The following GRK1 variants were observed in gnomAD, a reference collection of about 807,000 sequenced individuals.
GRK1 encodes the protein rhodopsin kinase GRK1.
GRK1 carries 28 observed loss-of-function variants against 41.7 expected under a neutral mutation model. The ratio of observed to expected loss-of-function variants is 0.67; its 90% CI spans 0.50 to 0.92. The LOEUF is 0.92. Among genes scored for constraint, GRK1 ranks in the 40% least tolerant of loss-of-function variants. The pLI is 0.00. For synonymous variants in GRK1, 327 were observed against 286.7 expected (o/e 1.14, Z -1.42); for missense variants, 703 against 671.2 (o/e 1.05, Z -0.52).
upstream of GRK1, among the ~76,000 whole-genome samples, chr13:113,662,705 C>T (rs1318215306): frequency 6.6e-6 from 1 of 152,170 alleles, no homozygotes; most frequent in Non-Finnish European, 1.5e-5. Context: ...TATGATTGCT[C>T]AACACCAAGA....
At chr13:113,650,654 A>T in the GRK1 span, 2 of 597,212 alleles carry the variant, frequency 3.3e-6, no homozygotes, top group Non-Finnish European at 2.9e-6. This position sits in a 1 kb window ranked among gnomAD's most constrained non-coding sequence, Gnocchi z 5.0. Context: ...AATCAGATGC[A>T]ATCTTTCTAA....
At chr13:113,723,772 CTG>C (rs1299154378) in intron 4 of GRK1, among the ~76,000 whole-genome samples, 3 of 151,766 alleles carry the variant, frequency 2.0e-5, no homozygotes, top group Admixed American at 1.3e-4. Context: ...GCCTGTGTCT[CTG>C]TGCACACACG....
At chr13:113,733,898 T>TATGTGTGCATACAGTGTGCGTGTGTGC (rs1377540728) in intron 6 of GRK1, among the ~76,000 whole-genome samples, 1 of 65,574 alleles carries the variant, frequency 1.5e-5, no homozygotes, top group African/African-American at 9.7e-5. Flanking sequence ...TGCGTGTGTG[T>TATGTGTGCATACAGTGTGCGTGTGTGC]ATGTGTGCAT....
chr13:113,667,473 C>A lies in GRK1; in HGVS notation c.87C>A (p.Pro29=), dbSNP rs1005125249. 6.2e-6 allele frequency: 10 copies of A among 1,610,786 alleles called. No homozygotes were observed. The African/African-American group carries it at 1.2e-4, about 19-fold the overall frequency. The change falls in exon 1 of 7, where the codon CCC becomes CCA. Residue 29 remains proline (P), a synonymous_variant. Transcript: ENST00000335678. This position sits in a 1 kb window ranked among gnomAD's most constrained non-coding sequence, Gnocchi z 7.5. ...RGSFDGSSSQ[P]SRDKKYLAKL... ...GCTTTGACGGCAGCAGCTCCCAACC[C>A]TCCCGGGACAAGAAGTACCTGGCCA...
the GRK1 span, among the ~76,000 whole-genome samples, chr13:113,656,946 G>A: frequency 3.9e-5 from 6 of 152,038 alleles, no homozygotes; most frequent in Non-Finnish European, 8.8e-5. Flanking sequence ...CTGCCGCCCC[G>A]CCTGGCCCAG....
At chr13:113,665,018 A>G (rs527985886), upstream of GRK1, among the ~76,000 whole-genome samples, 2 of 152,264 alleles carry the variant, frequency 1.3e-5, no homozygotes, top group South Asian at 4.1e-4. Context: ...GACCGTGGGG[A>G]CGTCGGCTCG....
intron 4 of GRK1, among the ~76,000 whole-genome samples, chr13:113,729,351 A>G (rs1353286379): frequency 6.6e-6 from 1 of 152,234 alleles, no homozygotes; most frequent in Non-Finnish European, 1.5e-5. Context: ...TTTTGAATTT[A>G]GTAAAGTGTT....
the GRK1 span, chr13:113,658,067 C>G: frequency 1.3e-5 from 21 of 1,610,060 alleles, no homozygotes; most frequent in Admixed American, 1.5e-4. Flanking sequence ...GCATCTGCCC[C>G]GTGTCCGGGT....
intron 6 of GRK1, among the ~76,000 whole-genome samples, chr13:113,733,841 GTGCA>G (rs2049970387): frequency 7.4e-6 from 1 of 135,066 alleles, no homozygotes; most frequent in African/African-American, 3.3e-5. Context: ...GCACGTGCGT[GTGCA>G]TGTGTATGTG....
chr13:113,731,211 G>C lies in GRK1; in HGVS notation c.1070-8G>C, dbSNP rs2049934448. On this transcript the variant is annotated splice_polypyrimidine_tract_variant and splice_region_variant and intron_variant, in intron 4 of 6. Coordinates refer to ENST00000335678, the MANE Select transcript of GRK1 (RefSeq NM_002929.3). This position sits in a 1 kb window ranked among gnomAD's most constrained non-coding sequence, Gnocchi z 5.6. ...CACCTCTGAACCCGCAATGTCCCTTGCTGGCAGGTTTCATGGCCCCCGAGC... is the reference window on the plus strand; with the variant it reads ...CACCTCTGAACCCGCAATGTCCCTTCCTGGCAGGTTTCATGGCCCCCGAGC... 6.5e-7 allele frequency: 1 copy of C among 1,536,718 alleles called. No homozygotes were observed. The highest frequency in any genetic ancestry group is 2.0e-5 in the Admixed American group (1 of 50,968).
chr13:113,649,450 G>GC, the GRK1 span: 1 of 1,572,526 alleles, frequency 6.4e-7, no homozygotes, highest in South Asian at 1.2e-5. The surrounding 1 kb of genome is among the most constrained non-coding windows in gnomAD (Gnocchi z 4.7). Context: ...CACGTGCTCC[G>GC]CCATGACCTT....
chr13:113,652,172 G>A, the GRK1 span, among the ~76,000 whole-genome samples: 1 of 152,148 alleles, frequency 6.6e-6, no homozygotes, highest in Non-Finnish European at 1.5e-5. Context: ...TCCAGCCCCA[G>A]CCATCCCCTG....
chr13:113,670,623 A>T (rs2049849946), intron 2 of GRK1, among the ~76,000 whole-genome samples: 4 of 151,984 alleles, frequency 2.6e-5, no homozygotes, highest in Admixed American at 2.6e-4. Flanking sequence ...AGTCCAGACT[A>T]AGTCACCACG....
intron 6 of GRK1, among the ~76,000 whole-genome samples, chr13:113,733,870 C>CGTGT (rs756081118): frequency 2.2e-5 from 2 of 89,934 alleles, no homozygotes; most frequent in African/African-American, 1.2e-4. Flanking sequence ...TACGTGTGTG[C>CGTGT]GTGTGTGCAT....
Position 113,731,247 on chromosome 13 carries a change from C to A in GRK1, c.1098C>A (p.Gly366=). ...PGFMAPELLQ[G]EEYDFSVDYF... is the part of the protein sequence containing the mutation. ...TCATGGCCCCCGAGCTCCTGCAGGG[C>A]GAGGAGTACGACTTCTCCGTGGACT... Residue 366 remains glycine (G), a synonymous_variant, in exon 5 of 7, where the codon GGC becomes GGA. Transcript: ENST00000335678. The surrounding 1 kb of genome is among the most constrained non-coding windows in gnomAD (Gnocchi z 5.6). 5.2e-6 allele frequency: 8 copies of A among 1,537,058 alleles called. No homozygotes were observed. Among genetic ancestry groups the A allele is most frequent in the Non-Finnish European group, 7.0e-6 (8 of 1,146,816 alleles).
chr13:113,733,980 ATG>A (rs200077938), intron 6 of GRK1, among the ~76,000 whole-genome samples: 1,619 of 95,320 alleles, frequency 0.017, 28 homozygotes, highest in Non-Finnish European at 0.024. Flanking sequence ...GTGTGTGCGC[ATG>A]TGTGTGCATA....
chr13:113,732,429 G>A (rs1451171238), intron 5 of GRK1, among the ~76,000 whole-genome samples: 1 of 152,240 alleles, frequency 6.6e-6, no homozygotes, highest in African/African-American at 2.4e-5. Flanking sequence ...TGATCCGGGG[G>A]CCTTGGGGAC....
At chr13:113,651,819 C>T in the GRK1 span, 1 of 1,470,972 alleles carries the variant, frequency 6.8e-7, no homozygotes, top group Non-Finnish European at 9.2e-7. Context: ...ATCTGGCCGG[C>T]CCCAGCCTGG....
At position 113,671,230 on chromosome 13, in the gene GRK1, T is replaced by C. The variant is rs2049854590; in HGVS notation, c.828-269T>C. Among the ~76,000 whole-genome samples the C allele has an allele frequency of 6.6e-6, 1 of 152,180 alleles. No individual in the cohort carries two copies. Among genetic ancestry groups the C allele is most frequent in the African/African-American group, 2.4e-5 (1 of 41,440 alleles). On this transcript the variant is annotated intron_variant, in intron 2 of 6. Transcript: ENST00000335678. The surrounding 1 kb of genome is among the most constrained non-coding windows in gnomAD (Gnocchi z 4.1). ...ACGGTCTGGGCTGTTTCCTAGCACC[T>C]GCGGCCCGCGCTGGAAAGCAGGCGG...
Sources: gnomAD v4.1 joint callset for allele counts (sites outside exome capture counted in the v4.1 genomes callset) on GRCh38, gnomAD v4.1.1 for gene constraint, Gnocchi (gnomAD v3.1) non-coding constraint, MANE v1.5 for transcripts, NCBI Gene and HGNC (gene_info 2026-07-23, HGNC 2026-07-21) for gene names.